The following SMAD3 variants were observed in gnomAD, a reference collection of about 807,000 sequenced individuals.
SMAD3 encodes the protein SMAD family member 3, also known as MAD homolog 3.
Under a neutral mutation model 51.8 loss-of-function variants are expected in SMAD3, and 12 were observed. The ratio of observed to expected loss-of-function variants is 0.23; its 90% CI spans 0.15 to 0.38. The LOEUF is 0.38. Ranked by LOEUF, SMAD3 falls within the 10% of genes least tolerant of loss-of-function variation. SMAD3 has a pLI of 1.00. For synonymous variants in SMAD3, 238 were observed against 227.7 expected (o/e 1.05, Z -0.41); for missense variants, 294 against 565.6 (o/e 0.52, Z 4.87).
At chr15:67,075,275 AC>A (rs1177662135) in intron 1 of SMAD3, among the ~76,000 whole-genome samples, 1 of 152,102 alleles carries the variant, frequency 6.6e-6, no homozygotes, top group Non-Finnish European at 1.5e-5. Context: ...CTGGTTGTAA[AC>A]TTTTTCTTAC....
At chr15:67,100,550 A>G (rs1960730453) in intron 1 of SMAD3, among the ~76,000 whole-genome samples, 1 of 152,118 alleles carries the variant, frequency 6.6e-6, no homozygotes. Context: ...GTATTAATAA[A>G]TGTATTAATT....
chr15:67,086,320 C>G (rs192426841), intron 1 of SMAD3, among the ~76,000 whole-genome samples: 11 of 152,242 alleles, frequency 7.2e-5, no homozygotes, highest in Admixed American at 2.0e-4. Flanking sequence ...TGAGAGCATC[C>G]TGTCCTGCCA....
intron 1 of SMAD3, among the ~76,000 whole-genome samples, chr15:67,071,061 A>G (rs532093364): frequency 1.3e-5 from 2 of 152,304 alleles, no homozygotes; most frequent in South Asian, 4.1e-4. Flanking sequence ...AGAGCGGGAG[A>G]CAGACTTGCC....
intron 1 of SMAD3, among the ~76,000 whole-genome samples, chr15:67,133,357 A>G (rs1052006216): frequency 4.6e-5 from 7 of 152,060 alleles, no homozygotes; most frequent in Non-Finnish European, 8.8e-5. Context: ...ACACCGTAAC[A>G]TAACTTTGCC....
At chr15:67,183,889 G>A (rs541175754) in intron 6 of SMAD3, among the ~76,000 whole-genome samples, 10 of 152,266 alleles carry the variant, frequency 6.6e-5, no homozygotes, top group Middle Eastern at 3.4e-3. Flanking sequence ...AGGGCATAGC[G>A]TTAAACCATC....
rs1347114356 is a variant in SMAD3 at position 67,193,719 on chromosome 15, T to A, written c.*3183T>A. The stretch of plus-strand genomic sequence containing the variant: ...ATTTTTTTTTTTTTATTGACCATGG[T>A]GATTATTTTTTTAAACCATCGTTAA... On this transcript the variant is annotated 3_prime_UTR_variant, in exon 9 of 9. Transcript: ENST00000327367. 1 of 232,678 alleles carries A rather than the reference T, an allele frequency of 4.3e-6. No individual in the cohort carries two copies. The highest frequency in any genetic ancestry group is 8.5e-6 in the Non-Finnish European group (1 of 117,566). The allele number at this position is 232,678 out of a possible 1,614,324, so 14.4% of individuals were successfully genotyped here.
At chr15:67,169,092 G>A (rs918857577) in intron 4 of SMAD3, among the ~76,000 whole-genome samples, 2 of 152,166 alleles carry the variant, frequency 1.3e-5, no homozygotes, top group African/African-American at 4.8e-5. Flanking sequence ...TATATGCACA[G>A]TCTTACTTAA....
intron 1 of SMAD3, among the ~76,000 whole-genome samples, chr15:67,151,552 C>T (rs1266665633): frequency 1.3e-5 from 2 of 152,086 alleles, no homozygotes; most frequent in African/African-American, 2.4e-5. Flanking sequence ...AGGCTGGTCT[C>T]GAACTCCTGA....
intron 1 of SMAD3, among the ~76,000 whole-genome samples, chr15:67,076,889 G>C (rs1428777504): frequency 6.6e-6 from 1 of 152,210 alleles, no homozygotes; most frequent in African/African-American, 2.4e-5. Context: ...CCAATGGCTG[G>C]GCAAGGGGTG....
chr15:67,093,743 G>A (rs1201139986), intron 1 of SMAD3, among the ~76,000 whole-genome samples: 1 of 152,250 alleles, frequency 6.6e-6, no homozygotes, highest in Non-Finnish European at 1.5e-5. Flanking sequence ...GGCATGCGAG[G>A]TAGCACTGGT....
intron 1 of SMAD3, among the ~76,000 whole-genome samples, chr15:67,096,433 T>TAA (rs2140219158): frequency 6.6e-6 from 1 of 152,348 alleles, no homozygotes; most frequent in Admixed American, 6.5e-5. Context: ...ACATACTAGT[T>TAA]AAAGGCTTTT....
chr15:67,112,325 ATTT>A (rs56655463), intron 1 of SMAD3, among the ~76,000 whole-genome samples: 1 of 102,710 alleles, frequency 9.7e-6, no homozygotes, highest in Non-Finnish European at 1.9e-5. Context: ...AATTTTTTGT[ATTT>A]TTTTTTTTTT....
At chr15:67,148,711 G>A (rs1962044359) in intron 1 of SMAD3, among the ~76,000 whole-genome samples, 1 of 152,222 alleles carries the variant, frequency 6.6e-6, no homozygotes, top group Non-Finnish European at 1.5e-5. Context: ...CCTTTGCTAT[G>A]AGGCTTGACT....
At chr15:67,116,945 A>C (rs1961148717) in intron 1 of SMAD3, among the ~76,000 whole-genome samples, 1 of 152,172 alleles carries the variant, frequency 6.6e-6, no homozygotes, top group Admixed American at 6.5e-5. Flanking sequence ...ATCTTGAAAG[A>C]AGTTGTCAAC....
At chr15:67,101,762 C>T (rs1352337147) in intron 1 of SMAD3, among the ~76,000 whole-genome samples, 1 of 152,194 alleles carries the variant, frequency 6.6e-6, no homozygotes, top group Non-Finnish European at 1.5e-5. Flanking sequence ...CATTCAGAGT[C>T]CTCATCTTTG....
intron 8 of SMAD3, 78 bp downstream of exon 8, chr15:67,187,587 G>T: frequency 6.4e-7 from 1 of 1,552,502 alleles, no homozygotes; most frequent in Non-Finnish European, 8.9e-7. Context: ...GGGCTCCTCA[G>T]AGATGAGCTA....
chr15:67,161,701 T>G (rs1335101177), intron 1 of SMAD3, among the ~76,000 whole-genome samples: 1 of 152,188 alleles, frequency 6.6e-6, no homozygotes, highest in East Asian at 1.9e-4. Context: ...CAGGGCTGGG[T>G]TTGGGGAGTA....
At chr15:67,120,521 G>A (rs571222046) in intron 1 of SMAD3, among the ~76,000 whole-genome samples, 1 of 152,280 alleles carries the variant, frequency 6.6e-6, no homozygotes, top group African/African-American at 2.4e-5. Context: ...TTAGGATGAT[G>A]AACGCCATAA....
intron 1 of SMAD3, among the ~76,000 whole-genome samples, chr15:67,105,675 C>T (rs1566969967): frequency 6.6e-6 from 1 of 152,214 alleles, no homozygotes; most frequent in Non-Finnish European, 1.5e-5. Context: ...AAGCCTTTCT[C>T]TCTGACAGGG....
Sources: allele counts gnomAD v4.1 joint callset (sites outside exome capture counted in the v4.1 genomes callset), GRCh38; gene constraint gnomAD v4.1.1; transcripts MANE v1.5; gene names NCBI Gene and HGNC (gene_info 2026-07-23, HGNC 2026-07-21).